SNTG1: variants seen among roughly 807,000 people sequenced by gnomAD.
The protein encoded by SNTG1 is syntrophin gamma 1, also known as gamma-1-syntrophin.
In SNTG1, 39 loss-of-function variants were observed where a neutral mutation model predicts 74.7. The ratio of observed to expected loss-of-function variants is 0.52; its 90% CI spans 0.40 to 0.68. The LOEUF (loss-of-function observed/expected upper bound fraction) is 0.68. SNTG1 is among the 30% of genes least tolerant of loss of function. The probability of loss-of-function intolerance (pLI) is 0.00; values close to 1 mark genes in which losing one functional copy is unlikely to be tolerated. For missense variants in SNTG1, 685 were observed against 609.5 expected (o/e 1.12, Z -1.30); for synonymous variants, 254 against 217.1 (o/e 1.17, Z -1.49).
intron 1 of SNTG1, among the ~76,000 whole-genome samples, chr8:50,119,232 T>G (rs2080920944): frequency 7.1e-6 from 1 of 141,764 alleles, no homozygotes; most frequent in East Asian, 2.0e-4. Flanking sequence ...ACTTTTATAT[T>G]TTATCACTGA....
At position 50,394,208 on chromosome 8, in the gene SNTG1, T is replaced by G. The variant is rs748128513; in HGVS notation, c.-27-4T>G. ...AATGGCTTACCATTTCTGTGTCTTT[T>G]CAGACGACATCCTTTGTGGTGCCAC... On this transcript the variant is annotated splice_polypyrimidine_tract_variant and splice_region_variant and intron_variant, in intron 2 of 18. Coordinates refer to ENST00000642720, the MANE Select transcript of SNTG1 (RefSeq NM_018967.5). 6.2e-7 allele frequency: 1 copy of G among 1,612,708 alleles called. No homozygotes were observed. The highest frequency in any genetic ancestry group is 8.5e-7 in the Non-Finnish European group (1 of 1,179,150).
intron 2 of SNTG1, among the ~76,000 whole-genome samples, chr8:50,298,746 A>G (rs189488423): frequency 2.0e-5 from 3 of 152,288 alleles, no homozygotes; most frequent in Non-Finnish European, 4.4e-5. Context: ...GAAGAGTGAA[A>G]TGTTTCTAGA....
intron 13 of SNTG1, among the ~76,000 whole-genome samples, chr8:50,630,907 G>C (rs1182925721): frequency 6.6e-6 from 1 of 152,178 alleles, no homozygotes; most frequent in Non-Finnish European, 1.5e-5. Flanking sequence ...CTCTCCAAAA[G>C]TCAGATACAT....
chr8:50,195,351 G>T (rs2083724760), intron 2 of SNTG1, among the ~76,000 whole-genome samples: 1 of 151,816 alleles, frequency 6.6e-6, no homozygotes, highest in Non-Finnish European at 1.5e-5. Context: ...TTGAAAACTT[G>T]CCCCGGGATA....
At chr8:50,376,756 T>TATATATATATAGAGAG (rs1381048539) in intron 2 of SNTG1, among the ~76,000 whole-genome samples, 239 of 89,870 alleles carry the variant, frequency 2.7e-3, no homozygotes, top group Middle Eastern at 7.5e-3. Flanking sequence ...TATATATATA[T>TATATATATATAGAGAG]AGAGAGAGAG....
chr8:50,604,491 C>T (rs2094798228), intron 13 of SNTG1, among the ~76,000 whole-genome samples: 1 of 152,080 alleles, frequency 6.6e-6, no homozygotes, highest in Non-Finnish European at 1.5e-5. Context: ...AGATGGACCT[C>T]AAACTACAAG....
At chr8:50,558,398 T>A (rs1268896674) in intron 12 of SNTG1, among the ~76,000 whole-genome samples, 4 of 152,172 alleles carry the variant, frequency 2.6e-5, no homozygotes, top group Non-Finnish European at 1.5e-5. Flanking sequence ...TTGTTGTCCA[T>A]GACTTAATTT....
chr8:50,627,736 G>A (rs2094966360), intron 13 of SNTG1, among the ~76,000 whole-genome samples: 1 of 152,170 alleles, frequency 6.6e-6, no homozygotes, highest in Non-Finnish European at 1.5e-5. Flanking sequence ...ATGTTACAAA[G>A]TCCGCAGATG....
chr8:50,255,249 C>A (rs2086829513), intron 2 of SNTG1, among the ~76,000 whole-genome samples: 1 of 152,138 alleles, frequency 6.6e-6, no homozygotes, highest in African/African-American at 2.4e-5. Flanking sequence ...AAGCATTTGT[C>A]ACATTTAGCC....
At chr8:50,470,598 G>A (rs2093644782) in intron 8 of SNTG1, among the ~76,000 whole-genome samples, 2 of 152,200 alleles carry the variant, frequency 1.3e-5, no homozygotes, top group South Asian at 4.1e-4. Context: ...CTGGCTTCAG[G>A]AGTGAAGGTG....
intron 9 of SNTG1, 97 bp from the exon 10 acceptor site, chr8:50,530,080 G>T: frequency 3.1e-6 from 3 of 979,576 alleles, no homozygotes; most frequent in South Asian, 2.9e-5. Context: ...TGATTTACTT[G>T]ATATTACTGA....
chr8:50,184,578 G>A (rs1422572476), intron 2 of SNTG1, among the ~76,000 whole-genome samples: 19 of 152,088 alleles, frequency 1.2e-4, no homozygotes, highest in Non-Finnish European at 1.5e-5. Flanking sequence ...TGTAATTATG[G>A]TATGTTTTCA....
chr8:50,294,395 G>T (rs2089268432), intron 2 of SNTG1, among the ~76,000 whole-genome samples: 1 of 152,180 alleles, frequency 6.6e-6, no homozygotes, highest in East Asian at 1.9e-4. Flanking sequence ...TATAGGACAT[G>T]TGTATATATT....
At chr8:50,568,252 T>TGTGTGTGTGTGTGTGC (rs1563587348) in intron 12 of SNTG1, among the ~76,000 whole-genome samples, 1 of 152,062 alleles carries the variant, frequency 6.6e-6, no homozygotes, top group Non-Finnish European at 1.5e-5. Flanking sequence ...TGTGTGTGTG[T>TGTGTGTGTGTGTGTGC]GCTATCTATT....
At chr8:50,661,465 G>A (rs1162434980) in intron 15 of SNTG1, among the ~76,000 whole-genome samples, 1 of 152,116 alleles carries the variant, frequency 6.6e-6, no homozygotes, top group African/African-American at 2.4e-5. Context: ...TTTACATTCT[G>A]ACCAAATTAA....
intron 1 of SNTG1, among the ~76,000 whole-genome samples, chr8:50,068,127 A>C (rs1367245076): frequency 6.6e-6 from 1 of 152,180 alleles, no homozygotes; most frequent in Non-Finnish European, 1.5e-5. Flanking sequence ...AACAGAACGC[A>C]ATCAGTTTTG....
At chr8:50,628,248 G>C (rs2094970385) in intron 13 of SNTG1, among the ~76,000 whole-genome samples, 1 of 151,764 alleles carries the variant, frequency 6.6e-6, no homozygotes, top group Non-Finnish European at 1.5e-5. Context: ...TGACCTGGCT[G>C]ACTAAAAGAG....
intron 15 of SNTG1, among the ~76,000 whole-genome samples, chr8:50,680,995 T>C (rs1180988910): frequency 6.6e-6 from 1 of 152,186 alleles, no homozygotes; most frequent in African/African-American, 2.4e-5. Context: ...TCTTCTCCCT[T>C]ATACTTTTGT....
intron 12 of SNTG1, among the ~76,000 whole-genome samples, chr8:50,585,508 C>T (rs754673477): frequency 4.9e-4 from 74 of 152,184 alleles, no homozygotes; most frequent in Middle Eastern, 6.8e-3. Flanking sequence ...GCATTGGTTT[C>T]TAAGAAGTGT....
Sources: gnomAD v4.1 joint callset for allele counts (sites outside exome capture counted in the v4.1 genomes callset) on GRCh38, gnomAD v4.1.1 for gene constraint, MANE v1.5 for transcripts, NCBI Gene and HGNC (gene_info 2026-07-23, HGNC 2026-07-21) for gene names.